CHST15: variants seen among roughly 807,000 people sequenced by gnomAD.
The protein encoded by CHST15 is B cell RAG associated protein (GALNAC4S-6ST).
A neutral mutation model predicts 53.6 loss-of-function variants in CHST15; 30 were observed. The observed-to-expected ratio is 0.56, with a 90% CI of 0.42 to 0.76. The LOEUF (loss-of-function observed/expected upper bound fraction) is 0.76, where lower values mean the gene tolerates loss of function less well. CHST15 is among the 30% of genes least tolerant of loss of function. The pLI is 0.00. For missense variants in CHST15, 627 were observed against 740.5 expected, an observed-to-expected ratio of 0.85 and a Z score of 1.78; for synonymous variants, 296 against 289.8, an observed-to-expected ratio of 1.02 and a Z score of -0.22.
chr10:124,010,417 A>G, intron 7 of CHST15, 78 bp from the exon 8 acceptor site: 1 of 1,454,540 alleles, frequency 6.9e-7, no homozygotes, highest in Non-Finnish European at 9.1e-7. Context: ...AATCCCAGCT[A>G]TGCTTCGTAT....
Position 124,030,650 on chromosome 10 carries a change from C to T in CHST15, c.1190+7865G>A, listed in dbSNP as rs1007671216. On this transcript the variant is annotated intron_variant, in intron 5 of 7. Coordinates refer to ENST00000435907, the MANE Select transcript of CHST15 (RefSeq NM_001270764.2). ...ATCCCTCAGTGCTAGGAACAGCCTG[C>T]GTTTTAATCCTTGTGCAAATCTGTT... Among the ~76,000 whole-genome samples the T allele has an allele frequency of 3.3e-5, 5 of 152,324 alleles. No homozygotes were observed. In the South Asian group the frequency reaches 6.2e-4, roughly 19 times the overall value.
chr10:124,080,298 G>C (rs1406657795), intron 1 of CHST15, among the ~76,000 whole-genome samples: 2 of 152,154 alleles, frequency 1.3e-5, no homozygotes, highest in Non-Finnish European at 2.9e-5. Flanking sequence ...TCTCCCCTTG[G>C]GGTCCTGGCA....
At chr10:124,077,703 A>C (rs1949121379) in intron 1 of CHST15, among the ~76,000 whole-genome samples, 1 of 152,234 alleles carries the variant, frequency 6.6e-6, no homozygotes, top group Non-Finnish European at 1.5e-5. Context: ...ATGCAAAATC[A>C]ATTAAGTATA....
At chr10:124,089,798 A>G (rs1949549095) in intron 1 of CHST15, among the ~76,000 whole-genome samples, 1 of 152,078 alleles carries the variant, frequency 6.6e-6, no homozygotes, top group Non-Finnish European at 1.5e-5. Context: ...GTCTGTCTAC[A>G]CAGCCAATTC....
intron 1 of CHST15, among the ~76,000 whole-genome samples, chr10:124,090,248 T>C (rs1180822654): frequency 2.6e-5 from 4 of 152,210 alleles, no homozygotes; most frequent in African/African-American, 9.6e-5. Context: ...GGCTGGAGAA[T>C]CCTCTCGAAA....
intron 1 of CHST15, among the ~76,000 whole-genome samples, chr10:124,073,002 T>A (rs1241067040): frequency 6.6e-6 from 1 of 152,210 alleles, no homozygotes; most frequent in African/African-American, 2.4e-5. Context: ...CAGAGACTCA[T>A]ACGCTGCTGA....
At chr10:124,044,097 G>GA (rs200290166) in intron 3 of CHST15, among the ~76,000 whole-genome samples, 2 of 148,642 alleles carry the variant, frequency 1.3e-5, no homozygotes, top group African/African-American at 5.2e-5. Context: ...GCACAGAGCA[G>GA]GGAACGGCAC....
intron 1 of CHST15, among the ~76,000 whole-genome samples, chr10:124,065,504 A>T (rs1948725715): frequency 6.6e-6 from 1 of 152,098 alleles, no homozygotes; most frequent in Non-Finnish European, 1.5e-5. Context: ...AATTGTTGTC[A>T]CCCAACCCTG....
intron 1 of CHST15, among the ~76,000 whole-genome samples, chr10:124,084,033 G>C (rs534349988): frequency 2.6e-5 from 4 of 152,352 alleles, no homozygotes; most frequent in Non-Finnish European, 5.9e-5. Flanking sequence ...TAGGCAGAGA[G>C]ATGTCAGACA....
intron 1 of CHST15, among the ~76,000 whole-genome samples, chr10:124,052,843 G>A (rs1053415047): frequency 2.0e-5 from 3 of 152,142 alleles, no homozygotes; most frequent in African/African-American, 7.2e-5. Flanking sequence ...ACACCAGCCT[G>A]ACCAACATGA....
In CHST15 at chr10:124,008,941, G is replaced by C. The variant is rs1946337672; in HGVS notation, c.*1208C>G. ...TGCCAAGTGGCCTGGAAAATTCCAT[G>C]AAGAACACGGCTCTTAGAAACCTCA... is the stretch of plus-strand genomic sequence containing the variant. On this transcript the variant is annotated 3_prime_UTR_variant, in exon 8 of 8. Coordinates refer to ENST00000435907, the MANE Select transcript of CHST15 (RefSeq NM_001270764.2). 7.8e-7 allele frequency: 1 copy of C among 1,288,828 alleles called. No homozygotes were observed. Among genetic ancestry groups the C allele is most frequent in the Non-Finnish European group, 1.0e-6 (1 of 988,528 alleles). 79.8% of individuals were successfully genotyped at this position (1,288,828 alleles called of 1,614,324 possible).
intron 5 of CHST15, among the ~76,000 whole-genome samples, chr10:124,031,231 C>A (rs1947213200): frequency 6.6e-6 from 1 of 152,214 alleles, no homozygotes; most frequent in African/African-American, 2.4e-5. Context: ...ACAGAGGCTC[C>A]ATGAGAGCAA....
chr10:124,024,955 G>A lies in CHST15; in HGVS notation c.1191-3543C>T, dbSNP rs894286165. 2.0e-5 allele frequency among the ~76,000 whole-genome samples: 3 copies of A among 152,116 alleles called. No individual in the cohort carries two copies. The highest frequency in any genetic ancestry group is 1.3e-4 in the Admixed American group (2 of 15,258). On this transcript the variant is annotated intron_variant, in intron 5 of 7. Coordinates refer to ENST00000435907, the MANE Select transcript of CHST15 (RefSeq NM_001270764.2). The surrounding 1 kb of genome is among the most constrained non-coding windows in gnomAD (Gnocchi z 4.0). ...AAAATCCCACGTTAAATAAGTATTC[G>A]AAGCCCAGTTTTTACCAAAGATGCC...
At chr10:124,057,544 C>T (rs545983351) in intron 1 of CHST15, among the ~76,000 whole-genome samples, 2 of 152,286 alleles carry the variant, frequency 1.3e-5, no homozygotes, top group South Asian at 4.1e-4. Flanking sequence ...AATGAACAGC[C>T]TGGGTCCTCT....
In CHST15 at chr10:124,009,958, G is replaced by A. The variant is rs1946365481; in HGVS notation, c.*191C>T. The A allele has an allele frequency of 1.4e-6, 2 of 1,430,884 alleles. No homozygotes were observed. Among genetic ancestry groups the A allele is most frequent in the African/African-American group, 2.9e-5 (2 of 69,652 alleles). The allele number at this position is 1,430,884 out of a possible 1,614,324, so 88.6% of individuals were successfully genotyped here. A position where few individuals can be genotyped will look rare whatever the true frequency, so the allele number is the denominator to read the frequency against. The stretch of plus-strand genomic sequence containing the variant: ...ATGGCCTCGGATAGAGGAGCTCTGT[G>A]AGGGGTCCATTGCTGAGCTCTCGAA... On this transcript the variant is annotated 3_prime_UTR_variant, in exon 8 of 8. Transcript: ENST00000435907.
In CHST15 at chr10:124,038,052, C is replaced by T. The variant is rs568416335; in HGVS notation, c.1190+463G>A. ...GGGACAGCCTCAAGAATAACACTTA[C>T]GTAAGAAACAGCAGTAACGTTGCAA... On this transcript the variant is annotated intron_variant, in intron 5 of 7. Coordinates refer to ENST00000435907, the MANE Select transcript of CHST15 (RefSeq NM_001270764.2). Among the ~76,000 whole-genome samples the T allele has an allele frequency of 1.6e-4, 25 of 152,156 alleles. 1 individual carries two copies. In the South Asian group the frequency reaches 2.1e-3, roughly 13 times the overall value.
At chr10:124,025,287 C>T (rs142764467) in intron 5 of CHST15, among the ~76,000 whole-genome samples, 14 of 152,292 alleles carry the variant, frequency 9.2e-5, no homozygotes, top group East Asian at 3.9e-4. Context: ...GCAGGTGAAA[C>T]GGCTGATTTT....
At chr10:124,013,751 T>C (rs1441790976) in intron 6 of CHST15, among the ~76,000 whole-genome samples, 1 of 152,216 alleles carries the variant, frequency 6.6e-6, no homozygotes, top group African/African-American at 2.4e-5. Context: ...CCCCTTTTGC[T>C]GTGAGGCCCC....
At chr10:124,055,954 G>A (rs1948365981) in intron 1 of CHST15, among the ~76,000 whole-genome samples, 1 of 152,210 alleles carries the variant, frequency 6.6e-6, no homozygotes, top group Non-Finnish European at 1.5e-5. Context: ...CAAAACCCAG[G>A]TGGGCTCCAG....
Sources: gnomAD v4.1 joint callset for allele counts (sites outside exome capture counted in the v4.1 genomes callset) on GRCh38, gnomAD v4.1.1 for gene constraint, Gnocchi (gnomAD v3.1) non-coding constraint, MANE v1.5 for transcripts, NCBI Gene and HGNC (gene_info 2026-07-23, HGNC 2026-07-21) for gene names.